NUP93: variants seen among roughly 807,000 people sequenced by gnomAD.
NUP93 encodes nuclear pore complex protein Nup93.
A neutral mutation model predicts 107.8 loss-of-function variants in NUP93; 55 were observed. The ratio of observed to expected loss-of-function variants is 0.51; its 90% CI spans 0.41 to 0.64. NUP93 has a LOEUF of 0.64. NUP93 is among the 30% of genes least tolerant of loss of function. The pLI, the probability that NUP93 is intolerant of heterozygous loss-of-function variation, is 0.00. For synonymous variants in NUP93, 390 were observed against 397.5 expected, an observed-to-expected ratio of 0.98 and a Z score of 0.22; for missense variants, 937 against 1,044.7, an observed-to-expected ratio of 0.90 and a Z score of 1.42.
intron 16 of NUP93, among the ~76,000 whole-genome samples, chr16:56,835,096 T>A (rs1377298575): frequency 6.6e-6 from 1 of 152,198 alleles, no homozygotes. Context: ...TCAGAAAACA[T>A]GCAAGGAAAA....
intron 3 of NUP93, among the ~76,000 whole-genome samples, chr16:56,779,851 C>G (rs935906257): frequency 1.3e-5 from 2 of 152,116 alleles, no homozygotes; most frequent in Non-Finnish European, 2.9e-5. Context: ...TCTTACTCCC[C>G]TGTAGTGAAC....
chr16:56,808,700 TA>T (rs201862693), intron 5 of NUP93, among the ~76,000 whole-genome samples: 56,436 of 129,656 alleles, frequency 0.44, 12,427 homozygotes, highest in East Asian at 0.62. Flanking sequence ...TATAAATATA[TA>T]AAAATACATA....
chr16:56,787,612 G>T (rs578261238), intron 3 of NUP93, among the ~76,000 whole-genome samples: 1 of 152,136 alleles, frequency 6.6e-6, no homozygotes, highest in Non-Finnish European at 1.5e-5. Flanking sequence ...CAAAGCTGGG[G>T]ATCTGTGTGT....
At chr16:56,814,424 A>G (rs1366161044) in intron 5 of NUP93, among the ~76,000 whole-genome samples, 5 of 152,118 alleles carry the variant, frequency 3.3e-5, no homozygotes, top group African/African-American at 1.2e-4. Flanking sequence ...TCCTGGACTC[A>G]AGTGATCCGC....
chr16:56,831,107 A>G (rs1963775960), intron 10 of NUP93, among the ~76,000 whole-genome samples: 1 of 152,248 alleles, frequency 6.6e-6, no homozygotes, highest in Non-Finnish European at 1.5e-5. Flanking sequence ...GGCTAGAATT[A>G]GAAGTTAGTA....
At chr16:56,791,460 G>A (rs1962761085) in intron 3 of NUP93, among the ~76,000 whole-genome samples, 1 of 152,066 alleles carries the variant, frequency 6.6e-6, no homozygotes, top group South Asian at 2.1e-4. Flanking sequence ...TTTCACAAAG[G>A]CCCTTATTTA....
intron 2 of NUP93, among the ~76,000 whole-genome samples, chr16:56,752,120 T>C (rs543551313): frequency 4.6e-5 from 7 of 152,296 alleles, no homozygotes; most frequent in African/African-American, 1.7e-4. Flanking sequence ...CTGGTATATA[T>C]TAAAATTATT....
intron 4 of NUP93, among the ~76,000 whole-genome samples, chr16:56,801,501 C>T (rs1273097608): frequency 6.6e-6 from 1 of 150,484 alleles, no homozygotes; most frequent in Non-Finnish European, 1.5e-5. Context: ...CAACCTCCAT[C>T]TCCAGGGTTC....
intron 19 of NUP93, 85 bp from the exon 20 acceptor site, chr16:56,839,436 G>C: frequency 9.6e-7 from 1 of 1,040,658 alleles, no homozygotes; most frequent in East Asian, 2.4e-5. Context: ...GCCCTTTGGA[G>C]TATGTGAGGT....
intron 3 of NUP93, among the ~76,000 whole-genome samples, chr16:56,793,543 G>A (rs759741047): frequency 1.3e-5 from 2 of 152,078 alleles, no homozygotes; most frequent in Non-Finnish European, 2.9e-5. Flanking sequence ...TAAGCTATAT[G>A]AGTACATCTC....
At chr16:56,808,543 TATAA>T (rs1254860471) in intron 5 of NUP93, among the ~76,000 whole-genome samples, 3 of 128,076 alleles carry the variant, frequency 2.3e-5, no homozygotes, top group African/African-American at 6.2e-5. Context: ...GTTATATAAC[TATAA>T]ATATATAAAA....
intron 21 of NUP93, among the ~76,000 whole-genome samples, chr16:56,843,095 A>G (rs1964058639): frequency 1.3e-5 from 2 of 152,192 alleles, no homozygotes; most frequent in Admixed American, 1.3e-4. Context: ...TGTGGGTAAC[A>G]GTGCTCAAGA....
chr16:56,772,621 T>C (rs1353713124), intron 3 of NUP93, among the ~76,000 whole-genome samples: 1 of 152,204 alleles, frequency 6.6e-6, no homozygotes, highest in Non-Finnish European at 1.5e-5. Context: ...CTATCAGAGG[T>C]GGGCCTCTTC....
At chr16:56,827,686 A>G (rs1484528842) in intron 8 of NUP93, among the ~76,000 whole-genome samples, 2 of 152,372 alleles carry the variant, frequency 1.3e-5, no homozygotes, top group Admixed American at 6.5e-5. Context: ...ATATTCTACC[A>G]GACAGCTGGA....
chr16:56,756,199 C>T (rs1480362815), intron 2 of NUP93, among the ~76,000 whole-genome samples: 1 of 150,554 alleles, frequency 6.6e-6, no homozygotes, highest in Non-Finnish European at 1.5e-5. Context: ...CATAGATATA[C>T]ATGTGCCATG....
chr16:56,739,605 C>T (rs1961676984), intron 1 of NUP93, among the ~76,000 whole-genome samples: 2 of 114,084 alleles, frequency 1.8e-5, no homozygotes, highest in African/African-American at 3.7e-5. Flanking sequence ...CCGGATGGGG[C>T]GGCTGGCCGG....
intron 8 of NUP93, among the ~76,000 whole-genome samples, chr16:56,826,371 G>A (rs1296794867): frequency 2.0e-5 from 3 of 152,108 alleles, no homozygotes; most frequent in Non-Finnish European, 4.4e-5. Flanking sequence ...AATTAGCTGG[G>A]TGTGGTGGTG....
rs530845098 is a variant in NUP93, at chr16:56,801,213, CATT to C, written c.360+2677_360+2679del. On this transcript the variant is annotated intron_variant, in intron 4 of 21. Coordinates refer to ENST00000308159, the MANE Select transcript of NUP93 (RefSeq NM_014669.5). ...TTGAGCAGTTCTGTTGATTCCCTCT[CATT>C]AGTTCCTCTAGTTAGCATTCTTCTT... is the stretch of plus-strand genomic sequence containing the variant. 1.8e-4 allele frequency among the ~76,000 whole-genome samples: 27 copies of C among 152,298 alleles called. No individual in the cohort carries two copies. The East Asian group carries it at 5.2e-3, about 29-fold the overall frequency.
At chr16:56,820,398 C>T (rs1031089400) in intron 6 of NUP93, among the ~76,000 whole-genome samples, 2 of 152,240 alleles carry the variant, frequency 1.3e-5, no homozygotes, top group Non-Finnish European at 2.9e-5. Flanking sequence ...AAGCCTCCAC[C>T]TCTGCCTCCC....
Sources: allele counts gnomAD v4.1 joint callset (sites outside exome capture counted in the v4.1 genomes callset), GRCh38; gene constraint gnomAD v4.1.1; transcripts MANE v1.5; gene names NCBI Gene and HGNC (gene_info 2026-07-23, HGNC 2026-07-21).